SGCZ: variants seen among roughly 807,000 people sequenced by gnomAD.
SGCZ encodes sarcoglycan zeta, also known as zeta-sarcoglycan.
In SGCZ, 40 loss-of-function variants were observed where a neutral mutation model predicts 41.3. That is an observed-to-expected ratio of 0.97 (90% CI 0.75 to 1.26). The LOEUF is 1.26. Among genes scored for constraint, SGCZ ranks in the 50% most tolerant of loss-of-function variants. The pLI, the probability that SGCZ is intolerant of heterozygous loss-of-function variation, is 0.00. For synonymous variants in SGCZ, 206 were observed against 137.5 expected (o/e 1.50, Z -3.49); for missense variants, 552 against 369.8 (o/e 1.49, Z -4.04).
At chr8:14,792,067 G>A (rs1800973564) in intron 1 of SGCZ, among the ~76,000 whole-genome samples, 1 of 152,112 alleles carries the variant, frequency 6.6e-6, no homozygotes, top group African/African-American at 2.4e-5. Flanking sequence ...CAATAAACAG[G>A]AAACACTGCA....
intron 3 of SGCZ, among the ~76,000 whole-genome samples, chr8:14,280,071 T>C (rs1233150959): frequency 6.6e-6 from 1 of 151,970 alleles, no homozygotes; most frequent in South Asian, 2.1e-4. Context: ...GGGATTTTGT[T>C]CAAATGGGAT....
intron 3 of SGCZ, among the ~76,000 whole-genome samples, chr8:14,244,298 G>T (rs1218686369): frequency 6.7e-6 from 1 of 149,828 alleles, no homozygotes; most frequent in Admixed American, 6.7e-5. Flanking sequence ...TTCTTCCCCA[G>T]AGCAAGGTTG....
intron 2 of SGCZ, among the ~76,000 whole-genome samples, chr8:14,403,952 G>C (rs151149316): frequency 1.3e-3 from 194 of 152,222 alleles, no homozygotes; most frequent in African/African-American, 4.5e-3. Context: ...TTTGAAGGAA[G>C]AGAAATGAGT....
chr8:14,353,042 C>A (rs903468254), intron 2 of SGCZ, among the ~76,000 whole-genome samples: 1 of 151,968 alleles, frequency 6.6e-6, no homozygotes, highest in Non-Finnish European at 1.5e-5. Context: ...TATGGACCAA[C>A]CAAAATTAGA....
intron 1 of SGCZ, among the ~76,000 whole-genome samples, chr8:14,904,724 A>C (rs927170637): frequency 7.9e-5 from 12 of 152,024 alleles, no homozygotes; most frequent in African/African-American, 2.7e-4. Context: ...TATATTTTAT[A>C]ATTAGATTTG....
intron 1 of SGCZ, among the ~76,000 whole-genome samples, chr8:15,017,471 T>C (rs538108347): frequency 6.6e-6 from 1 of 152,294 alleles, no homozygotes; most frequent in South Asian, 2.1e-4. Flanking sequence ...GGCACCTAAA[T>C]TGCATACCAT....
intron 1 of SGCZ, among the ~76,000 whole-genome samples, chr8:14,847,537 T>C (rs1255025388): frequency 6.6e-6 from 1 of 151,166 alleles, no homozygotes; most frequent in Non-Finnish European, 1.5e-5. Flanking sequence ...TAAGATAATA[T>C]CAATAGATAC....
chr8:14,776,096 A>T (rs1037176294), intron 1 of SGCZ, among the ~76,000 whole-genome samples: 1 of 152,216 alleles, frequency 6.6e-6, no homozygotes, highest in African/African-American at 2.4e-5. Context: ...GGAAGAGAAA[A>T]AAGTGAACTC....
At chr8:14,139,187 T>G (rs1345246058) in intron 5 of SGCZ, among the ~76,000 whole-genome samples, 3 of 152,148 alleles carry the variant, frequency 2.0e-5, no homozygotes, top group South Asian at 4.1e-4. Flanking sequence ...GGGACACATT[T>G]AAAGCAGTGT....
At chr8:14,259,612 G>C (rs1405265021) in intron 3 of SGCZ, among the ~76,000 whole-genome samples, 1 of 131,150 alleles carries the variant, frequency 7.6e-6, no homozygotes, top group East Asian at 2.1e-4. Flanking sequence ...TCAAAGATCA[G>C]ATAGTTGTAG....
intron 1 of SGCZ, among the ~76,000 whole-genome samples, chr8:14,683,997 C>T (rs1476991365): frequency 6.6e-6 from 1 of 152,128 alleles, no homozygotes; most frequent in African/African-American, 2.4e-5. Context: ...ATAGGTTTAT[C>T]ACTTGTGCTT....
chr8:14,388,217 A>C (rs762136636), intron 2 of SGCZ, among the ~76,000 whole-genome samples: 1 of 152,110 alleles, frequency 6.6e-6, no homozygotes, highest in African/African-American at 2.4e-5. Flanking sequence ...AAAAAATCCT[A>C]ATTTCCAAGG....
chr8:14,432,959 A>G (rs1799987899), intron 2 of SGCZ, among the ~76,000 whole-genome samples: 1 of 149,864 alleles, frequency 6.7e-6, no homozygotes, highest in Non-Finnish European at 1.5e-5. Flanking sequence ...TCATGTAACC[A>G]AACACCACCT....
At chr8:14,223,079 G>C (rs1462549452) in intron 4 of SGCZ, among the ~76,000 whole-genome samples, 1 of 151,792 alleles carries the variant, frequency 6.6e-6, no homozygotes, top group Non-Finnish European at 1.5e-5. Flanking sequence ...CAAAGTGCTG[G>C]GATTACATGA....
chr8:14,605,370 A>G (rs574441955), intron 1 of SGCZ, among the ~76,000 whole-genome samples: 29 of 152,230 alleles, frequency 1.9e-4, no homozygotes, highest in East Asian at 9.6e-4. Flanking sequence ...CAAATTGGGT[A>G]TCTATCATCT....
At chr8:15,195,890 ATTTTTTTTT>A (rs10548247) in intron 1 of SGCZ, among the ~76,000 whole-genome samples, 1 of 73,160 alleles carries the variant, frequency 1.4e-5, no homozygotes, top group African/African-American at 5.3e-5. Flanking sequence ...TTAGGCTTCG[ATTTTTTTTT>A]TTTTTTTTTT....
chr8:14,550,349 T>C (rs1170697325), intron 2 of SGCZ, among the ~76,000 whole-genome samples: 1 of 149,226 alleles, frequency 6.7e-6, no homozygotes, highest in Non-Finnish European at 1.5e-5. Flanking sequence ...ATATAAATTA[T>C]ATAAATATTT....
At chr8:14,171,644 CATT>C in intron 4 of SGCZ, among the ~76,000 whole-genome samples, 1 of 151,896 alleles carries the variant, frequency 6.6e-6, no homozygotes, top group Non-Finnish European at 1.5e-5. Flanking sequence ...ATACAGAAAC[CATT>C]TTAAATGGAG....
intron 1 of SGCZ, among the ~76,000 whole-genome samples, chr8:15,101,123 G>A (rs919133576): frequency 2.6e-5 from 4 of 152,082 alleles, no homozygotes; most frequent in Admixed American, 2.0e-4. Flanking sequence ...TAGACCTAAC[G>A]TAAAACTCAA....
Sources: gnomAD v4.1 joint callset for allele counts (sites outside exome capture counted in the v4.1 genomes callset) on GRCh38, gnomAD v4.1.1 for gene constraint, MANE v1.5 for transcripts, NCBI Gene and HGNC (gene_info 2026-07-23, HGNC 2026-07-21) for gene names.